EDIL3: variants seen among roughly 807,000 people sequenced by gnomAD.
EDIL3 encodes EGF-like repeat and discoidin I-like domain-containing protein 3.
EDIL3 carries 37 observed loss-of-function variants against 67.4 expected under a neutral mutation model. The observed-to-expected ratio is 0.55, with a 90% CI of 0.42 to 0.72. The LOEUF (loss-of-function observed/expected upper bound fraction) is 0.72. EDIL3 is among the 30% of genes least tolerant of loss of function. The probability of loss-of-function intolerance (pLI) is 0.00; values close to 1 mark genes in which losing one functional copy is unlikely to be tolerated. For missense variants in EDIL3, 527 were observed against 586.3 expected (o/e 0.90, Z 1.04); for synonymous variants, 195 against 196.3 (o/e 0.99, Z 0.05).
At chr5:84,159,989 C>T (rs184546993) in intron 4 of EDIL3, among the ~76,000 whole-genome samples, 176 of 152,144 alleles carry the variant, frequency 1.2e-3, no homozygotes, top group African/African-American at 3.4e-3. Context: ...GTGTTGTTGG[C>T]ATTTTCTTCA....
At chr5:84,142,534 GA>G (rs1748218107) in intron 4 of EDIL3, among the ~76,000 whole-genome samples, 1 of 151,750 alleles carries the variant, frequency 6.6e-6, no homozygotes, top group African/African-American at 2.4e-5. Context: ...AACTCCTCAG[GA>G]AAATGCCATC....
intron 9 of EDIL3, among the ~76,000 whole-genome samples, chr5:84,045,876 T>C (rs1746214427): frequency 6.6e-6 from 1 of 152,202 alleles, no homozygotes; most frequent in Admixed American, 6.5e-5. Flanking sequence ...ATGAGAGACA[T>C]TTACAATCAT....
chr5:83,963,493 C>T, intron 9 of EDIL3, 133 bp from the exon 10 acceptor site: 2 of 1,029,110 alleles, frequency 1.9e-6, no homozygotes, highest in Non-Finnish European at 2.6e-6. Flanking sequence ...TATTTTGAAA[C>T]CAATGACTGA....
At chr5:84,115,031 T>C (rs1408285778) in intron 5 of EDIL3, among the ~76,000 whole-genome samples, 1 of 152,224 alleles carries the variant, frequency 6.6e-6, no homozygotes, top group Non-Finnish European at 1.5e-5. Flanking sequence ...TATTACGGGA[T>C]AAAGTAAACT....
At chr5:84,269,288 C>T (rs1330985342) in intron 1 of EDIL3, among the ~76,000 whole-genome samples, 2 of 152,068 alleles carry the variant, frequency 1.3e-5, no homozygotes, top group Non-Finnish European at 2.9e-5. Flanking sequence ...TAGTTCTATA[C>T]TATTGGACAT....
chr5:84,176,183 TATATATATATATATA>T (rs1398079026), intron 4 of EDIL3, among the ~76,000 whole-genome samples: 3 of 37,048 alleles, frequency 8.1e-5, no homozygotes, highest in African/African-American at 2.1e-4. Context: ...TGGTAAAAAA[TATATATATATATATA>T]ATATATATAT....
intron 1 of EDIL3, among the ~76,000 whole-genome samples, chr5:84,283,659 T>C (rs971453699): frequency 6.6e-6 from 1 of 152,190 alleles, no homozygotes; most frequent in African/African-American, 2.4e-5. Context: ...CCTCAATCTC[T>C]CATTATCACT....
At chr5:84,141,480 AT>A (rs1748186969) in intron 4 of EDIL3, among the ~76,000 whole-genome samples, 1 of 146,946 alleles carries the variant, frequency 6.8e-6, no homozygotes, top group Non-Finnish European at 1.5e-5. Context: ...TGAAATATAT[AT>A]TTCATAATTA....
intron 6 of EDIL3, among the ~76,000 whole-genome samples, chr5:84,068,919 A>G (rs927304973): frequency 3.3e-5 from 5 of 152,188 alleles, no homozygotes; most frequent in Admixed American, 6.5e-5. Flanking sequence ...AATATATAGT[A>G]TGATTTTGGA....
chr5:84,172,800 C>T (rs1207012544), intron 4 of EDIL3, among the ~76,000 whole-genome samples: 1 of 152,108 alleles, frequency 6.6e-6, no homozygotes, highest in Non-Finnish European at 1.5e-5. Context: ...CACCCAACAA[C>T]AATGATAAGC....
intron 1 of EDIL3, among the ~76,000 whole-genome samples, chr5:84,383,633 A>G (rs563481896): frequency 1.3e-5 from 2 of 152,094 alleles, no homozygotes; most frequent in Non-Finnish European, 2.9e-5. Flanking sequence ...GGGGGTGCGC[A>G]GCTAAGCTCC....
intron 4 of EDIL3, among the ~76,000 whole-genome samples, chr5:84,154,112 C>G (rs754391040): frequency 2.6e-5 from 4 of 152,058 alleles, no homozygotes; most frequent in Non-Finnish European, 4.4e-5. Context: ...GGAAGAAGTT[C>G]CGAAAAGAAA....
intron 5 of EDIL3, among the ~76,000 whole-genome samples, chr5:84,130,397 C>T (rs966446851): frequency 3.3e-5 from 5 of 152,032 alleles, no homozygotes; most frequent in Non-Finnish European, 5.9e-5. Flanking sequence ...TACACAGTTA[C>T]GCTAAGAAAA....
chr5:84,167,102 T>A (rs919975960), intron 4 of EDIL3, among the ~76,000 whole-genome samples: 2 of 152,120 alleles, frequency 1.3e-5, no homozygotes, highest in African/African-American at 4.8e-5. Flanking sequence ...TATTTGAAGG[T>A]ATCGGTCTGG....
intron 1 of EDIL3, among the ~76,000 whole-genome samples, chr5:84,293,197 C>T (rs1745963714): frequency 1.3e-5 from 2 of 152,218 alleles, no homozygotes. Context: ...TGAAAATGGA[C>T]CATTTAAAAT....
intron 1 of EDIL3, among the ~76,000 whole-genome samples, chr5:84,353,293 A>G (rs1022684407): frequency 1.3e-5 from 2 of 152,172 alleles, no homozygotes; most frequent in Non-Finnish European, 2.9e-5. Context: ...TTGTGTCAGC[A>G]TGAGTATCAG....
At chr5:84,042,124 T>C (rs34732367) in intron 9 of EDIL3, among the ~76,000 whole-genome samples, 55,124 of 151,936 alleles carry the variant, frequency 0.36, 11,064 homozygotes, top group African/African-American at 0.55. Flanking sequence ...TTGTTCCATA[T>C]TTTATTTTAA....
At chr5:83,964,566 G>A (rs886457726) in intron 9 of EDIL3, among the ~76,000 whole-genome samples, 5 of 152,008 alleles carry the variant, frequency 3.3e-5, no homozygotes, top group African/African-American at 1.2e-4. Context: ...TGAGAAGAGA[G>A]AGCTAGAGAG....
chr5:83,958,971 G>T (rs530550958), intron 10 of EDIL3, among the ~76,000 whole-genome samples: 1 of 151,152 alleles, frequency 6.6e-6, no homozygotes, highest in Non-Finnish European at 1.5e-5. Flanking sequence ...ACTGTAATGA[G>T]AGTGTCATCA....
Sources: allele counts gnomAD v4.1 joint callset (sites outside exome capture counted in the v4.1 genomes callset), GRCh38; gene constraint gnomAD v4.1.1; transcripts MANE v1.5; gene names NCBI Gene and HGNC (gene_info 2026-07-23, HGNC 2026-07-21).